The following UGGT2 variants were observed in gnomAD, a reference collection of about 807,000 sequenced individuals.
UGGT2 encodes the protein UDP-glucose:glycoprotein glucosyltransferase 2.
A neutral mutation model predicts 192.1 loss-of-function variants in UGGT2; 180 were observed. The ratio of observed to expected loss-of-function variants is 0.94; its 90% CI spans 0.83 to 1.06. The LOEUF (loss-of-function observed/expected upper bound fraction) is 1.06, where lower values mean the gene tolerates loss of function less well. UGGT2 is among the 50% of genes least tolerant of loss of function. The pLI is 0.00. For missense variants in UGGT2, 1,849 were observed against 1,795.7 expected (o/e 1.03, Z -0.54); for synonymous variants, 580 against 591.0 (o/e 0.98, Z 0.27).
chr13:95,968,483 G>A (rs777659897), intron 12 of UGGT2, among the ~76,000 whole-genome samples: 17 of 152,122 alleles, frequency 1.1e-4, no homozygotes, highest in African/African-American at 2.9e-4. Flanking sequence ...CTGATAGGAC[G>A]TGTTGGGTCA....
At chr13:96,012,429 A>G (rs751142401) in intron 5 of UGGT2, among the ~76,000 whole-genome samples, 15 of 152,032 alleles carry the variant, frequency 9.9e-5, no homozygotes, top group Non-Finnish European at 1.9e-4. Flanking sequence ...AAGATGTCAT[A>G]AACAATTTTT....
At chr13:95,988,482 A>G (rs750110499) in intron 8 of UGGT2, among the ~76,000 whole-genome samples, 7 of 152,206 alleles carry the variant, frequency 4.6e-5, no homozygotes, top group South Asian at 2.1e-4. Flanking sequence ...AGGTCTAAGC[A>G]TGAGGTCTAG....
At chr13:95,912,608 A>AT (rs1184698482) in intron 20 of UGGT2, among the ~76,000 whole-genome samples, 1 of 152,240 alleles carries the variant, frequency 6.6e-6, no homozygotes, top group Admixed American at 6.5e-5. Context: ...AAATGGAAGA[A>AT]TATTCCATGC....
Position 96,053,370 on chromosome 13 carries a change from A to G in UGGT2, c.-58T>C, listed in dbSNP as rs1432458476. 2.1e-5 allele frequency: 32 copies of G among 1,538,518 alleles called. No individual in the cohort carries two copies. The highest frequency in any genetic ancestry group is 8.7e-7 in the Non-Finnish European group (1 of 1,153,398). Reference sequence around the variant, plus strand: ...CCGGTACCCACAGTCTGTGGCCGCCACGCTTCGGCCGGCTCTTCCCGCTGC... The same window carrying G: ...CCGGTACCCACAGTCTGTGGCCGCCGCGCTTCGGCCGGCTCTTCCCGCTGC... On this transcript the variant is annotated 5_prime_UTR_variant, in exon 1 of 39. Coordinates refer to ENST00000376747, the MANE Select transcript of UGGT2 (RefSeq NM_020121.4).
intron 35 of UGGT2, 106 bp downstream of exon 35, chr13:95,854,209 T>C (rs749425784): frequency 2.1e-5 from 28 of 1,308,830 alleles, no homozygotes; most frequent in Non-Finnish European, 2.5e-5. Flanking sequence ...ATTGGTTGCT[T>C]TTATTGTGTA....
At chr13:95,862,423 C>T (rs1308447915) in intron 31 of UGGT2, among the ~76,000 whole-genome samples, 3 of 152,170 alleles carry the variant, frequency 2.0e-5, no homozygotes, top group Non-Finnish European at 4.4e-5. Flanking sequence ...TGTGCATCTA[C>T]AGGAGACAGC....
intron 20 of UGGT2, among the ~76,000 whole-genome samples, chr13:95,910,154 C>A (rs574069651): frequency 9.1e-4 from 139 of 152,186 alleles, no homozygotes; most frequent in Non-Finnish European, 1.4e-3. Flanking sequence ...ACTGTAAAGA[C>A]CATTGGTGCT....
chr13:95,938,422 A>T (rs962148082), intron 16 of UGGT2, among the ~76,000 whole-genome samples: 5 of 152,208 alleles, frequency 3.3e-5, no homozygotes, highest in Non-Finnish European at 7.3e-5. Context: ...TACTCTAGGA[A>T]GCCAAGTACT....
At chr13:95,823,902 A>G (rs1268283139) in intron 38 of UGGT2, among the ~76,000 whole-genome samples, 1 of 151,922 alleles carries the variant, frequency 6.6e-6, no homozygotes, top group African/African-American at 2.4e-5. Flanking sequence ...ATTTTAGTGC[A>G]TGTTGAACTT....
At chr13:95,894,686 GT>G (rs764473357) in intron 23 of UGGT2, 29 bp from the exon 24 acceptor site, 3 of 1,572,874 alleles carry the variant, frequency 1.9e-6, no homozygotes, top group African/African-American at 1.4e-5. Flanking sequence ...CAGTGTATGA[GT>G]TTTTTGGAAA....
In UGGT2 at chr13:96,053,237, A is replaced by G. The variant is rs374249272; in HGVS notation, c.76T>C (p.Ser26Pro). The change falls in exon 1 of 39, where the codon TCC (serine) becomes CCC (proline). Residue 26 changes from serine (S) to proline (P), a missense_variant. Coordinates refer to ENST00000376747, the MANE Select transcript of UGGT2 (RefSeq NM_020121.4). ...GACTTGGACGCGGCGACCGTCCCGGAGCCGAGCTGCGAAAGCCACAGCGCT... is the reference window on the plus strand; with the variant it reads ...GACTTGGACGCGGCGACCGTCCCGGGGCCGAGCTGCGAAAGCCACAGCGCT... The part of the protein sequence containing the change: ...STALWLSQLG[S>P]GTVAASKSVT... 1.3e-5 allele frequency: 20 copies of G among 1,550,258 alleles called. No individual in the cohort carries two copies. The South Asian group carries it at 1.3e-4, about 10-fold the overall frequency.
chr13:95,873,271 T>G (rs1375060983), intron 29 of UGGT2, among the ~76,000 whole-genome samples: 6 of 152,234 alleles, frequency 3.9e-5, no homozygotes, highest in Non-Finnish European at 5.9e-5. Context: ...TTTTGCTCAT[T>G]TTCTACACTA....
chr13:95,814,756 C>T (rs114959809), intron 38 of UGGT2, among the ~76,000 whole-genome samples: 2,227 of 152,232 alleles, frequency 0.015, 56 homozygotes, highest in African/African-American at 0.051. Context: ...ATTACTTTGA[C>T]ATTAACACCA....
At chr13:95,902,753 T>C (rs1041916837) in intron 21 of UGGT2, 101 bp downstream of exon 21, 335 of 1,162,188 alleles carry the variant, frequency 2.9e-4, no homozygotes, top group South Asian at 1.0e-3. Flanking sequence ...TCTTCATTTG[T>C]TTAAATCTAC....
chr13:95,994,944 AAC>A (rs1307838317), intron 7 of UGGT2, among the ~76,000 whole-genome samples: 24 of 152,200 alleles, frequency 1.6e-4, no homozygotes, highest in African/African-American at 5.8e-4. Context: ...ATGCATATTT[AAC>A]AGTTACCAAC....
rs769608731 is a variant in UGGT2 at position 95,983,864 on chromosome 13, T to C, written c.1032A>G (p.Arg344=). ...DISQNFPIKA[R]SLTRIAVNQH... ...GATTTACAGCAATTCTGGTTAGAGA[T>C]CTGGAAAAATGAATACTAATATAAT... The change falls in exon 10 of 39, where the codon AGA becomes AGG. Residue 344 remains arginine, a splice_region_variant and synonymous_variant. Transcript: ENST00000376747. 1.3e-6 allele frequency: 2 copies of C among 1,551,230 alleles called. No homozygotes were observed. The highest frequency in any genetic ancestry group is 1.9e-5 in the Admixed American group (1 of 51,634).
chr13:95,909,555 G>A (rs1410040590), intron 20 of UGGT2, among the ~76,000 whole-genome samples: 2 of 132,506 alleles, frequency 1.5e-5, no homozygotes, highest in African/African-American at 5.7e-5. Flanking sequence ...TGAACAATGA[G>A]ATCACGTGGA....
At chr13:95,891,304 T>C (rs2047794791) in intron 24 of UGGT2, among the ~76,000 whole-genome samples, 2 of 152,184 alleles carry the variant, frequency 1.3e-5, no homozygotes, top group Admixed American at 1.3e-4. Flanking sequence ...TGCTTTTGTG[T>C]TAGTGGAATA....
intron 5 of UGGT2, among the ~76,000 whole-genome samples, chr13:96,003,055 T>C (rs75640809): frequency 0.014 from 2,172 of 152,134 alleles, 27 homozygotes; most frequent in South Asian, 0.054. Context: ...TGAGACTCCA[T>C]CCATCCTGGA....
Sources: allele counts gnomAD v4.1 joint callset (sites outside exome capture counted in the v4.1 genomes callset), GRCh38; gene constraint gnomAD v4.1.1; transcripts MANE v1.5; gene names NCBI Gene and HGNC (gene_info 2026-07-23, HGNC 2026-07-21).